Variants in RMST observed in about 807,000 individuals in gnomAD.
The protein encoded by RMST is long intergenic non-protein coding RNA 54.
chr12:97,503,590 A>G (rs2136485945), intron 10 of RMST, among the ~76,000 whole-genome samples: 1 of 152,300 alleles, frequency 6.6e-6, no homozygotes, highest in South Asian at 2.1e-4. Context: ...TAACAATGGG[A>G]AAAATTCCCC....
At chr12:97,488,266 T>G (rs1428938581) in intron 5 of RMST, among the ~76,000 whole-genome samples, 1 of 152,156 alleles carries the variant, frequency 6.6e-6, no homozygotes, top group Non-Finnish European at 1.5e-5. Context: ...TGATCCCAGC[T>G]ACTCAGAAGG....
intron 5 of RMST, among the ~76,000 whole-genome samples, chr12:97,482,713 ATT>A (rs1593148309): frequency 1.4e-5 from 1 of 69,112 alleles, no homozygotes; most frequent in Admixed American, 1.4e-4. Flanking sequence ...ATAAATTTAT[ATT>A]ATTTATTTAT....
intron 5 of RMST, among the ~76,000 whole-genome samples, chr12:97,467,332 A>G (rs1427521792): frequency 2.0e-5 from 3 of 152,006 alleles, no homozygotes; most frequent in Non-Finnish European, 4.4e-5. Flanking sequence ...TTTGGGAGCT[A>G]AAGTTATGAC....
At chr12:97,465,131 C>G (rs1873030390) in intron 4 of RMST, 1 of 152,278 alleles carries the variant, frequency 6.6e-6, no homozygotes. Flanking sequence ...CCGGCAGGCT[C>G]TCTCCAAATG....
In RMST at chr12:97,482,695, T is replaced by TTTAA. The variant is rs1271598834; in HGVS notation, n.645-9764_645-9761dup. Among the ~76,000 whole-genome samples, 93 of 71,698 alleles carry TTTAA rather than the reference T, an allele frequency of 1.3e-3. 9 individuals are homozygous for TTTAA. The East Asian group carries it at 0.019, about 15-fold the overall frequency. 47.0% of individuals were successfully genotyped at this position (71,698 alleles called of 152,430 possible). A position where few individuals can be genotyped will look rare whatever the true frequency, so the allele number is the denominator to read the frequency against. ...TAATATTTAATTTATTTATTATTTA[T>TTTAA]TTAATAAATAAATTTATATTATTTA... On this transcript the variant is annotated intron_variant and non_coding_transcript_variant, in intron 5 of 13. Transcript: ENST00000640149.
At chr12:97,510,664 C>G (rs1002693531) in intron 10 of RMST, among the ~76,000 whole-genome samples, 1 of 152,174 alleles carries the variant, frequency 6.6e-6, no homozygotes, top group Non-Finnish European at 1.5e-5. Flanking sequence ...TTGCCATAAT[C>G]TTTGATCACA....
intron 5 of RMST, among the ~76,000 whole-genome samples, chr12:97,478,096 C>T (rs997022619): frequency 1.3e-5 from 2 of 152,166 alleles, no homozygotes; most frequent in Non-Finnish European, 2.9e-5. Flanking sequence ...AAGGCTGGAA[C>T]AATTCTGCTT....
Position 97,552,545 on chromosome 12 carries a change from C to T in RMST, n.1546-7992C>T, listed in dbSNP as rs186400324. ...TACAAATAAAGGGCATCATTTCACC[C>T]TCTACTGTGTCATTCCCTGCCCTGC... is the stretch of plus-strand genomic sequence containing the variant. On this transcript the variant is annotated intron_variant and non_coding_transcript_variant, in intron 11 of 13. Coordinates refer to ENST00000640149, the Ensembl canonical transcript of RMST. 1.1e-4 allele frequency among the ~76,000 whole-genome samples: 16 copies of T among 152,262 alleles called. No individual in the cohort carries two copies. In the East Asian group the frequency reaches 3.1e-3, roughly 29 times the overall value.
At chr12:97,532,575 ACT>A (rs1204028559) in intron 11 of RMST, 1 of 150,298 alleles carries the variant, frequency 6.7e-6, no homozygotes, top group Non-Finnish European at 1.5e-5. Flanking sequence ...TATTGTCAGA[ACT>A]CTGTTGGAGT....
At chr12:97,508,660 T>TTTG (rs916118981) in intron 10 of RMST, among the ~76,000 whole-genome samples, 12 of 152,302 alleles carry the variant, frequency 7.9e-5, no homozygotes, top group Admixed American at 2.0e-4. Context: ...GTGTAACTTT[T>TTTG]TTGTTGTTGT....
At chr12:97,540,761 G>C (rs976729116) in intron 11 of RMST, among the ~76,000 whole-genome samples, 1 of 151,574 alleles carries the variant, frequency 6.6e-6, no homozygotes, top group Non-Finnish European at 1.5e-5. Context: ...TTTATACTCA[G>C]TAAATAATAA....
chr12:97,496,916 C>T (rs1877494500), intron 10 of RMST, among the ~76,000 whole-genome samples: 1 of 152,142 alleles, frequency 6.6e-6, no homozygotes, highest in African/African-American at 2.4e-5. Flanking sequence ...TACACAGTTG[C>T]AGTAGGAAGA....
chr12:97,530,583 A>C (rs1217696015), intron 10 of RMST: 1 of 152,118 alleles, frequency 6.6e-6, no homozygotes. Context: ...TGTGACACGT[A>C]TGAGAAAGGA....
chr12:97,533,161 C>G (rs1037055946), intron 11 of RMST: 2 of 151,690 alleles, frequency 1.3e-5, no homozygotes, highest in Non-Finnish European at 2.9e-5. Context: ...TGCCTGCATT[C>G]GAAACATCAA....
chr12:97,499,974 C>T (rs951520441), intron 10 of RMST, among the ~76,000 whole-genome samples: 7 of 152,228 alleles, frequency 4.6e-5, no homozygotes, highest in Admixed American at 4.6e-4. Context: ...CTTCTTTTTA[C>T]TCATTACAAC....
intron 4 of RMST, among the ~76,000 whole-genome samples, chr12:97,464,518 G>A (rs1247948894): frequency 6.6e-6 from 1 of 152,156 alleles, no homozygotes; most frequent in Non-Finnish European, 1.5e-5. Flanking sequence ...ATTATAGCAG[G>A]GATGAATGTT....
At chr12:97,497,291 T>C (rs1877536187) in intron 10 of RMST, among the ~76,000 whole-genome samples, 1 of 152,178 alleles carries the variant, frequency 6.6e-6, no homozygotes, top group Non-Finnish European at 1.5e-5. Flanking sequence ...GGGCTTGAGG[T>C]CCCTCTGTCT....
chr12:97,466,435 T>A (rs1189110251), intron 5 of RMST, among the ~76,000 whole-genome samples: 1 of 152,158 alleles, frequency 6.6e-6, no homozygotes, highest in African/African-American at 2.4e-5. Context: ...GATTTAATTT[T>A]AGGTATTTGG....
intron 5 of RMST, among the ~76,000 whole-genome samples, chr12:97,478,743 T>A (rs1304475011): frequency 6.6e-6 from 1 of 152,216 alleles, no homozygotes. Context: ...AAAAAGAGAC[T>A]TTTAGTGAAC....
Sources: allele counts gnomAD v4.1 joint callset (sites outside exome capture counted in the v4.1 genomes callset), GRCh38; gene constraint gnomAD v4.1.1; transcripts MANE v1.5; gene names NCBI Gene and HGNC (gene_info 2026-07-23, HGNC 2026-07-21).